Variants in TMTC2 observed in about 807,000 individuals in gnomAD.
TMTC2 encodes transmembrane O-mannosyltransferase targeting cadherins 2, also known as protein O-mannosyl-transferase TMTC2.
Under a neutral mutation model 82.4 loss-of-function variants are expected in TMTC2, and 43 were observed. The ratio of observed to expected loss-of-function variants is 0.52; its 90% CI spans 0.41 to 0.67. TMTC2 has a LOEUF of 0.67. Among genes scored for constraint, TMTC2 ranks in the 30% least tolerant of loss-of-function variants. TMTC2 has a pLI of 0.00. For synonymous variants in TMTC2, 408 were observed against 381.9 expected (o/e 1.07, Z -0.80); for missense variants, 919 against 1,012.4 (o/e 0.91, Z 1.25).
intron 9 of TMTC2, among the ~76,000 whole-genome samples, chr12:83,033,184 A>G (rs925824349): frequency 6.6e-6 from 1 of 152,192 alleles, no homozygotes; most frequent in African/African-American, 2.4e-5. Context: ...AACAGATGAG[A>G]AGGCCATAAT....
At position 83,034,024 on chromosome 12, in the gene TMTC2, G is replaced by C. The variant is rs111908906; in HGVS notation, c.2152+3145G>C. 8.8e-3 allele frequency among the ~76,000 whole-genome samples: 1,330 copies of C among 151,544 alleles called. 15 individuals carry two copies. The highest frequency in any genetic ancestry group is 0.031 in the African/African-American group (1,278 of 41,330). ...ATTTTCAATCAGTAGGCCCTGCTGTGCACAGTTTTAGAACTCAAATTCATG... is the reference window on the plus strand; with the variant it reads ...ATTTTCAATCAGTAGGCCCTGCTGTCCACAGTTTTAGAACTCAAATTCATG... On this transcript the variant is annotated intron_variant, in intron 9 of 11. Coordinates refer to ENST00000321196, the MANE Select transcript of TMTC2 (RefSeq NM_152588.3).
intron 7 of TMTC2, among the ~76,000 whole-genome samples, chr12:82,978,058 T>C (rs1878758573): frequency 6.6e-6 from 1 of 151,812 alleles, no homozygotes; most frequent in Non-Finnish European, 1.5e-5. Flanking sequence ...GGTGATATAA[T>C]TCTTTCAGTC....
At chr12:82,803,221 G>A (rs1879091494) in intron 1 of TMTC2, among the ~76,000 whole-genome samples, 1 of 152,142 alleles carries the variant, frequency 6.6e-6, no homozygotes, top group East Asian at 1.9e-4. Flanking sequence ...AAGACTTGGT[G>A]AGAGGAACAA....
chr12:82,710,807 G>C (rs1873584843), intron 1 of TMTC2, among the ~76,000 whole-genome samples: 2 of 152,170 alleles, frequency 1.3e-5, no homozygotes. Context: ...TTGCACATCT[G>C]TGAAGAGGAC....
At position 82,733,177 on chromosome 12, in the gene TMTC2, T is replaced by C. The variant is rs146620703; in HGVS notation, c.83+45508T>C. Among the ~76,000 whole-genome samples the C allele has an allele frequency of 1.0e-3, 154 of 152,326 alleles. No homozygotes were observed. The East Asian group carries it at 0.028, about 27-fold the overall frequency. On this transcript the variant is annotated intron_variant, in intron 1 of 11. Transcript: ENST00000321196. ...TAGAAATGATGCAATTAAGGAAAGC[T>C]GAATATTGGAAAGGATCATTTATTT... is the stretch of plus-strand genomic sequence containing the variant.
At chr12:82,723,409 T>C (rs1874300815) in intron 1 of TMTC2, among the ~76,000 whole-genome samples, 3 of 152,196 alleles carry the variant, frequency 2.0e-5, no homozygotes, top group Admixed American at 2.0e-4. Context: ...GTTTATTATC[T>C]CTCCCTTACC....
chr12:82,895,597 CA>C (rs975815677), intron 2 of TMTC2, among the ~76,000 whole-genome samples: 5 of 151,888 alleles, frequency 3.3e-5, no homozygotes, highest in African/African-American at 1.2e-4. Context: ...AAAAGATAAT[CA>C]AAAAATATAT....
rs1874173207 is a variant in TMTC2, at chr12:82,720,813, A to G, written c.83+33144A>G. Among the ~76,000 whole-genome samples the G allele has an allele frequency of 2.0e-5, 3 of 152,290 alleles. No individual in the cohort carries two copies. The South Asian group carries it at 6.2e-4, about 32-fold the overall frequency. Reference sequence around the variant, plus strand: ...GATTAGTACTTTTGAACGTCTTTTCACATGTTTTCTTGTCATGTAGTTATG... The same window carrying G: ...GATTAGTACTTTTGAACGTCTTTTCGCATGTTTTCTTGTCATGTAGTTATG... On this transcript the variant is annotated intron_variant, in intron 1 of 11. Transcript: ENST00000321196.
Position 82,857,314 on chromosome 12 carries a change from A to C in TMTC2, c.388A>C (p.Thr130Pro). ...GATGTTTGCTTCTCACCCCATTCAC[A>C]CGGAGGCAGTGGCAGGAATCGTGGG... ...GLMFASHPIHTEAVAGIVGRA... is the reference protein window; with the variant it reads ...GLMFASHPIHPEAVAGIVGRA... Residue 130 changes from threonine to proline, a missense_variant, in exon 2 of 12, where the codon ACG (threonine) becomes CCG (proline). Transcript: ENST00000321196. The C allele has an allele frequency of 6.2e-7, 1 of 1,614,038 alleles. No homozygotes were observed. Among genetic ancestry groups the C allele is most frequent in the Non-Finnish European group, 8.5e-7 (1 of 1,180,016 alleles).
chr12:83,098,576 T>G (rs568581042), intron 11 of TMTC2, among the ~76,000 whole-genome samples: 1 of 152,344 alleles, frequency 6.6e-6, no homozygotes, highest in Admixed American at 6.5e-5. Flanking sequence ...AAAAATACCC[T>G]TTGACATAGC....
intron 1 of TMTC2, among the ~76,000 whole-genome samples, chr12:82,809,261 C>A (rs1030763077): frequency 6.6e-6 from 1 of 151,924 alleles, no homozygotes; most frequent in Admixed American, 6.6e-5. Context: ...ATGCTAGGTT[C>A]TTCATAAGAT....
At chr12:83,018,143 C>T (rs564238703) in intron 8 of TMTC2, among the ~76,000 whole-genome samples, 1 of 150,984 alleles carries the variant, frequency 6.6e-6, no homozygotes, top group South Asian at 2.1e-4. Context: ...TGGCACCCTG[C>T]CAGTGACAAA....
intron 4 of TMTC2, among the ~76,000 whole-genome samples, chr12:82,932,091 A>G (rs1459520227): frequency 6.6e-6 from 1 of 152,210 alleles, no homozygotes; most frequent in Non-Finnish European, 1.5e-5. Flanking sequence ...ATGTGTATTT[A>G]TGCTCTGGTT....
chr12:82,695,597 T>A (rs1016351648), intron 1 of TMTC2, among the ~76,000 whole-genome samples: 3 of 152,250 alleles, frequency 2.0e-5, no homozygotes. Flanking sequence ...AGTTTTCTTT[T>A]CTGTTAGTTG....
At chr12:83,062,835 G>C (rs994114320) in intron 11 of TMTC2, among the ~76,000 whole-genome samples, 1 of 151,782 alleles carries the variant, frequency 6.6e-6, no homozygotes. Context: ...CCCTGAAAGA[G>C]ACCTATGTGG....
At chr12:82,907,808 T>A (rs914722978) in intron 3 of TMTC2, among the ~76,000 whole-genome samples, 19 of 152,090 alleles carry the variant, frequency 1.2e-4, no homozygotes, top group Admixed American at 2.6e-4. Context: ...TTTCCATATT[T>A]TTGTGTTTCT....
Position 82,736,673 on chromosome 12 carries a change from A to G in TMTC2, c.83+49004A>G, listed in dbSNP as rs192588733. On this transcript the variant is annotated intron_variant, in intron 1 of 11. Transcript: ENST00000321196. ...TCTGGGCATTATTCCCATGATGGATATTTAGTCCCATGATTGCTATATTAT... is the reference window on the plus strand; with the variant it reads ...TCTGGGCATTATTCCCATGATGGATGTTTAGTCCCATGATTGCTATATTAT... Among the ~76,000 whole-genome samples, 785 of 152,298 alleles carry G rather than the reference A, an allele frequency of 5.2e-3. 9 individuals carry two copies. Among genetic ancestry groups the G allele is most frequent in the Non-Finnish European group, 7.6e-3 (515 of 68,010 alleles).
chr12:82,795,796 C>T (rs1015202326), intron 1 of TMTC2, among the ~76,000 whole-genome samples: 10 of 152,094 alleles, frequency 6.6e-5, no homozygotes, highest in Admixed American at 2.6e-4. Context: ...CCACACCTGC[C>T]GGGACCTTGA....
chr12:83,084,510 T>TA (rs1883582667), intron 11 of TMTC2, among the ~76,000 whole-genome samples: 1 of 152,090 alleles, frequency 6.6e-6, no homozygotes, highest in South Asian at 2.1e-4. Context: ...AGATTTCTTT[T>TA]AAAAAAAGAT....
Sources: allele counts gnomAD v4.1 joint callset (sites outside exome capture counted in the v4.1 genomes callset), GRCh38; gene constraint gnomAD v4.1.1; transcripts MANE v1.5; gene names NCBI Gene and HGNC (gene_info 2026-07-23, HGNC 2026-07-21).